Variants in FAM135A observed in about 807,000 individuals in gnomAD.
FAM135A encodes the protein family with sequence similarity 135 member A.
A neutral mutation model predicts 146.8 loss-of-function variants in FAM135A; 79 were observed. The ratio of observed to expected loss-of-function variants is 0.54; its 90% CI spans 0.45 to 0.65. The LOEUF is 0.65. Ranked by LOEUF, FAM135A falls within the 30% of genes least tolerant of loss-of-function variation. The probability of loss-of-function intolerance (pLI) is 0.00; values close to 1 mark genes in which losing one functional copy is unlikely to be tolerated. For synonymous variants in FAM135A, 562 were observed against 603.6 expected (o/e 0.93, Z 1.01); for missense variants, 1,623 against 1,758.2 (o/e 0.92, Z 1.38).
intron 8 of FAM135A, among the ~76,000 whole-genome samples, chr6:70,479,350 G>T (rs1783258052): frequency 1.3e-5 from 2 of 152,180 alleles, no homozygotes; most frequent in Non-Finnish European, 2.9e-5. Flanking sequence ...ACTGGAAGAA[G>T]AAATTTTTGG....
intron 4 of FAM135A, among the ~76,000 whole-genome samples, chr6:70,439,089 G>A (rs970757928): frequency 6.6e-6 from 1 of 152,132 alleles, no homozygotes; most frequent in Non-Finnish European, 1.5e-5. Flanking sequence ...TGGGAGAGTC[G>A]CTTGAGTCCA....
intron 4 of FAM135A, among the ~76,000 whole-genome samples, chr6:70,433,939 CTAGTT>C (rs1398155103): frequency 1.3e-5 from 2 of 150,760 alleles, no homozygotes; most frequent in Non-Finnish European, 2.9e-5. Flanking sequence ...TAAAGAAAAA[CTAGTT>C]TTATTTTAAT....
chr6:70,539,439 C>A (rs1050059817), intron 20 of FAM135A, among the ~76,000 whole-genome samples: 1 of 152,084 alleles, frequency 6.6e-6, no homozygotes, highest in Non-Finnish European at 1.5e-5. Context: ...GTGTTTCAGA[C>A]AAACTTTATT....
At chr6:70,458,376 T>C (rs1403146273) in intron 5 of FAM135A, among the ~76,000 whole-genome samples, 1 of 152,190 alleles carries the variant, frequency 6.6e-6, no homozygotes, top group Non-Finnish European at 1.5e-5. Context: ...ATTATATCAA[T>C]GTATTTTATT....
rs183664926 is a variant in FAM135A at position 70,555,317 on chromosome 6, G to A, written c.4229-1433G>A. 2.0e-5 allele frequency among the ~76,000 whole-genome samples: 3 copies of A among 152,204 alleles called. No individual in the cohort carries two copies. The East Asian group carries it at 5.8e-4, about 29-fold the overall frequency. On this transcript the variant is annotated intron_variant, in intron 20 of 21. Coordinates refer to ENST00000418814, the MANE Select transcript of FAM135A (RefSeq NM_001162529.3). Reference sequence around the variant, plus strand: ...CTCTTGCTCTGTCACCTGGGCTGGAGTGCAGTGCTACAGCCATGGCTCACT... The same window carrying A: ...CTCTTGCTCTGTCACCTGGGCTGGAATGCAGTGCTACAGCCATGGCTCACT...
intron 20 of FAM135A, among the ~76,000 whole-genome samples, chr6:70,550,804 T>C (rs1343141000): frequency 1.3e-5 from 2 of 152,216 alleles, no homozygotes; most frequent in South Asian, 2.1e-4. Flanking sequence ...GCATCTTCTT[T>C]CAATAGAAGG....
intron 9 of FAM135A, among the ~76,000 whole-genome samples, chr6:70,481,280 C>G (rs951724384): frequency 6.6e-6 from 1 of 152,144 alleles, no homozygotes; most frequent in African/African-American, 2.4e-5. Flanking sequence ...GTTACTGTCA[C>G]CCCTTGGTCC....
At chr6:70,517,376 C>A (rs1792511357) in intron 12 of FAM135A, among the ~76,000 whole-genome samples, 1 of 148,580 alleles carries the variant, frequency 6.7e-6, no homozygotes, top group Admixed American at 6.7e-5. Context: ...ACAAAAAATA[C>A]AACTATTAGC....
Position 70,533,174 on chromosome 6 carries a change from C to T in FAM135A, c.3790C>T (p.Leu1264Phe). 1 of 1,612,830 alleles carries T rather than the reference C, an allele frequency of 6.2e-7. No individual in the cohort carries two copies. Among genetic ancestry groups the T allele is most frequent in the Non-Finnish European group, 8.5e-7 (1 of 1,179,222 alleles). Reference protein sequence around the residue: ...VHGLDGNSADLRLVKTYIELG... With the variant: ...VHGLDGNSADFRLVKTYIELG... Reference sequence around the variant, plus strand: ...TCATTTTTTAGGAAACAGTGCAGATCTCCGATTAGTAAAAACTTACATTGA... The same window carrying T: ...TCATTTTTTAGGAAACAGTGCAGATTTCCGATTAGTAAAAACTTACATTGA... The change falls in exon 17 of 22, where the codon CTC becomes TTC. Residue 1264 changes from leucine to phenylalanine, a missense_variant. Around this residue, in one of 7 missense-constraint regions of FAM135A, gnomAD observed 1,061 missense variants for 1,113.8 expected, o/e 0.95. Transcript: ENST00000418814.
intron 4 of FAM135A, among the ~76,000 whole-genome samples, chr6:70,440,269 G>C (rs369871071): frequency 6.6e-6 from 1 of 152,174 alleles, no homozygotes; most frequent in African/African-American, 2.4e-5. Context: ...TCTTTTTTGT[G>C]ATATGATTGA....
intron 12 of FAM135A, among the ~76,000 whole-genome samples, chr6:70,510,757 G>A (rs28885692): frequency 0.025 from 3,837 of 152,088 alleles, 166 homozygotes; most frequent in African/African-American, 0.088. Context: ...TTGAATATCT[G>A]TTTTTAGTTA....
rs1327417260 is a variant in FAM135A at position 70,526,698 on chromosome 6, C to T, written c.3614C>T (p.Ala1205Val). ...AGTTCACCAAAACCTCAAATACAAG[C>T]GTAAGTAATGGAACGTAATAGTACC... ...YESSPKPQIQ[A>V]FLQAKEELKL... The change falls in exon 15 of 22, where the codon GCC (alanine) becomes GTC (valine). Residue 1205 changes from alanine to valine, a missense_variant and splice_region_variant. Physicochemically the swap from Ala to Val is moderately conservative, Grantham distance 64. Around this residue, in one of 7 missense-constraint regions of FAM135A, gnomAD observed 1,061 missense variants for 1,113.8 expected, o/e 0.95. Coordinates refer to ENST00000418814, the MANE Select transcript of FAM135A (RefSeq NM_001162529.3). The T allele has an allele frequency of 1.2e-5, 18 of 1,561,286 alleles. No individual in the cohort carries two copies. In the East Asian group the frequency reaches 3.4e-4, roughly 29 times the overall value.
intron 20 of FAM135A, among the ~76,000 whole-genome samples, chr6:70,539,549 G>A (rs1797452989): frequency 1.3e-5 from 2 of 152,276 alleles, no homozygotes; most frequent in Admixed American, 1.3e-4. Flanking sequence ...CTAAAGTAAG[G>A]AAAATAGCCC....
intron 5 of FAM135A, among the ~76,000 whole-genome samples, chr6:70,462,127 CTA>C (rs1243649226): frequency 3.9e-5 from 6 of 152,202 alleles, no homozygotes; most frequent in African/African-American, 9.6e-5. Flanking sequence ...AGAATTCACT[CTA>C]TGTGTAGACA....
chr6:70,547,794 G>A (rs556658652), intron 20 of FAM135A, among the ~76,000 whole-genome samples: 6 of 152,284 alleles, frequency 3.9e-5, no homozygotes, highest in East Asian at 3.9e-4. Flanking sequence ...ATAGTCCAGA[G>A]CAATATGGAA....
intron 8 of FAM135A, among the ~76,000 whole-genome samples, chr6:70,479,996 C>A (rs989221855): frequency 3.9e-5 from 6 of 152,152 alleles, no homozygotes; most frequent in African/African-American, 7.2e-5. Flanking sequence ...TTTTGCAAAG[C>A]AAATGGATTT....
intron 20 of FAM135A, among the ~76,000 whole-genome samples, chr6:70,539,346 A>G (rs1562006862): frequency 6.6e-6 from 1 of 152,194 alleles, no homozygotes. Flanking sequence ...TTTGTAAGCC[A>G]TACAATCTCT....
At chr6:70,418,136 T>G (rs1376906023) in intron 2 of FAM135A, among the ~76,000 whole-genome samples, 1 of 152,160 alleles carries the variant, frequency 6.6e-6, no homozygotes, top group African/African-American at 2.4e-5. Context: ...GGATTTTCCT[T>G]ACTTTGTGCC....
intron 4 of FAM135A, among the ~76,000 whole-genome samples, chr6:70,432,765 T>A (rs1464955451): frequency 1.3e-5 from 2 of 152,164 alleles, no homozygotes; most frequent in East Asian, 3.9e-4. Context: ...TCTAACTTTT[T>A]TTTTTAATAT....
Sources: allele counts gnomAD v4.1 joint callset (sites outside exome capture counted in the v4.1 genomes callset), GRCh38; gene constraint gnomAD v4.1.1; regional missense constraint gnomAD v4.1.1; transcripts MANE v1.5; gene names NCBI Gene and HGNC (gene_info 2026-07-23, HGNC 2026-07-21).